ELOVL1: variants seen among roughly 807,000 people sequenced by gnomAD.
ELOVL1 encodes the protein ELOVL fatty acid elongase 1.
Under a neutral mutation model 37.8 loss-of-function variants are expected in ELOVL1, and 10 were observed. The observed-to-expected ratio is 0.26, with a 90% CI of 0.16 to 0.45. The LOEUF (loss-of-function observed/expected upper bound fraction) is 0.45. Among genes scored for constraint, ELOVL1 ranks in the 20% least tolerant of loss-of-function variants. The pLI, the probability that ELOVL1 is intolerant of heterozygous loss-of-function variation, is 1.00. For missense variants in ELOVL1, 256 were observed against 352.7 expected (o/e 0.73, Z 2.20); for synonymous variants, 133 against 123.8 (o/e 1.07, Z -0.49).
At chr1:43,366,520 A>ACC (rs1398955318) in intron 1 of ELOVL1, 1 of 154,998 alleles carries the variant, frequency 6.5e-6, no homozygotes, top group East Asian at 1.9e-4. Flanking sequence ...CTCGCCACCC[A>ACC]CCCACCCACG....
At position 43,364,997 on chromosome 1, in the gene ELOVL1, C is replaced by T. The variant is rs778135356; in HGVS notation, c.249G>A (p.Ser83=). The change falls in exon 4 of 8, where the codon TCG becomes TCA. Residue 83 remains serine (S), a synonymous_variant. Transcript: ENST00000372458. This position sits in a 1 kb window ranked among gnomAD's most constrained non-coding sequence, Gnocchi z 5.2. The part of the protein sequence containing the change: ...SLYIVYEFLM[S]GWLSTYTWRC... ...GCCAGGTATAGGTGCTCAGCCAGCC[C>T]GACATCAGGAACTGGGAAGGGATGT... 1 of 1,613,288 alleles carries T rather than the reference C, an allele frequency of 6.2e-7. No individual in the cohort carries two copies. The highest frequency in any genetic ancestry group is 1.3e-5 in the African/African-American group (1 of 74,888).
chr1:43,365,266 G>T lies in ELOVL1; in HGVS notation c.157C>A (p.Arg53=), dbSNP rs201270403. Residue 53 remains arginine, a synonymous_variant, in exon 3 of 8, where the codon CGG becomes AGG. Transcript: ENST00000372458. The part of the protein sequence containing the change: ...LSLGPRIMAN[R]KPFQLRGFMI... ...AAGCCACGGAGCTGGAAGGGCTTCC[G>T]ATTAGCCATGATGCGAGGCCCAAGT... 1 of 1,614,146 alleles carries T rather than the reference G, an allele frequency of 6.2e-7. No individual in the cohort carries two copies. Among genetic ancestry groups the T allele is most frequent in the East Asian group, 2.2e-5 (1 of 44,878 alleles).
At chr1:43,365,440 G>A in intron 2 of ELOVL1, 64 bp from the exon 3 acceptor site, 1 of 1,609,084 alleles carries the variant, frequency 6.2e-7, no homozygotes. Context: ...CATTTGAAGG[G>A]TCTACAGACA....
intron 2 of ELOVL1, 80 bp downstream of exon 2, chr1:43,365,484 G>A: frequency 1.9e-6 from 3 of 1,611,708 alleles, no homozygotes; most frequent in Non-Finnish European, 1.7e-6. Flanking sequence ...GGTTTCATAG[G>A]AACTCTCCAT....
rs1647184471 is a variant in ELOVL1, at chr1:43,363,484, G to C, written c.*432C>G. On this transcript the variant is annotated 3_prime_UTR_variant, in exon 8 of 8. Coordinates refer to ENST00000372458, the MANE Select transcript of ELOVL1 (RefSeq NM_022821.4). ...GTATTCCCAGGCCCCCGCCCACCCT[G>C]ACCTTTGGCCCAGAAGCTACTGCTT... 2.6e-6 allele frequency: 1 copy of C among 382,408 alleles called. No individual in the cohort carries two copies. Among genetic ancestry groups the C allele is most frequent in the African/African-American group, 2.1e-5 (1 of 47,698 alleles). The allele number at this position is 382,408 out of a possible 1,614,324, so 23.7% of individuals were successfully genotyped here.
rs45529436 is a variant in ELOVL1 at position 43,363,457 on chromosome 1, C to T, written c.*459G>A. 169 of 412,534 alleles carry T rather than the reference C, an allele frequency of 4.1e-4. No homozygotes were observed. The highest frequency in any genetic ancestry group is 1.1e-3 in the Admixed American group (25 of 22,420). 25.6% of individuals were successfully genotyped at this position (412,534 alleles called of 1,614,324 possible). On this transcript the variant is annotated 3_prime_UTR_variant, in exon 8 of 8. Transcript: ENST00000372458. The stretch of plus-strand genomic sequence containing the variant: ...AAGTTGAGTAAGCAGCCTCCACAGG[C>T]TGTATTCCCAGGCCCCCGCCCACCC...
Position 43,364,966 on chromosome 1 carries a change from C to T in ELOVL1, c.280G>A (p.Asp94Asn). Residue 94 changes from aspartate to asparagine, a missense_variant, in exon 4 of 8, where the codon GAC (aspartate) becomes AAC (asparagine). Physicochemically the swap from Asp to Asn is conservative, Grantham distance 23 (BLOSUM62 1). This residue lies in a region of ELOVL1 where 158 missense variants were observed against 189.4 expected (regional missense o/e 0.83). Transcript: ENST00000372458. This position sits in a 1 kb window ranked among gnomAD's most constrained non-coding sequence, Gnocchi z 5.2. ...GGGCTGTTGGAATAGTCCACAGGGT[C>T]ACAGCGCCAGGTATAGGTGCTCAGC... ...GWLSTYTWRC[D>N]PVDYSNSPEA... 1 of 1,613,948 alleles carries T rather than the reference C, an allele frequency of 6.2e-7. No individual in the cohort carries two copies. Among genetic ancestry groups the T allele is most frequent in the Non-Finnish European group, 8.5e-7 (1 of 1,179,944 alleles).
In ELOVL1 at chr1:43,364,494, T is replaced by C. The variant is rs553112802; in HGVS notation, c.482-34A>G. On this transcript the variant is annotated intron_variant, in intron 6 of 7. Transcript: ENST00000372458. The surrounding 1 kb of genome is among the most constrained non-coding windows in gnomAD (Gnocchi z 5.2). ...GGACAATAAGACAGGGTCAGCAGAG[T>C]CCAGCCTCTGGTGCCCACCCTTTCC... 1 of 1,613,644 alleles carries C rather than the reference T, an allele frequency of 6.2e-7. No homozygotes were observed. Among genetic ancestry groups the C allele is most frequent in the African/African-American group, 1.3e-5 (1 of 74,852 alleles).
At chr1:43,365,728 A>G (rs1346659607) in intron 1 of ELOVL1, 105 bp from the exon 2 acceptor site, 1 of 1,177,496 alleles carries the variant, frequency 8.5e-7, no homozygotes, top group Non-Finnish European at 1.3e-6. Flanking sequence ...GCCTCATTGC[A>G]GAAAGGACAG....
intron 1 of ELOVL1, chr1:43,367,598 T>C (rs1181834164): frequency 1.3e-5 from 2 of 148,754 alleles, no homozygotes; most frequent in Non-Finnish European, 3.0e-5. Context: ...TCCTTTAAGA[T>C]GGATGGAAGG....
chr1:43,364,411 T>G lies in ELOVL1; in HGVS notation c.531A>C (p.Ile177=). Residue 177 remains isoleucine (I), a synonymous_variant, in exon 7 of 8, where the codon ATA becomes ATC. Transcript: ENST00000372458. This position sits in a 1 kb window ranked among gnomAD's most constrained non-coding sequence, Gnocchi z 5.2. The part of the protein sequence containing the change: ...HAMINSSVHV[I]MYLYYGLSAF... The stretch of plus-strand genomic sequence containing the variant: ...CAGATAATCCGTAGTACAGGTACAT[T>G]ATGACATGCACGGAAGAGTTTATCA... The G allele has an allele frequency of 6.2e-7, 1 of 1,614,154 alleles. No individual in the cohort carries two copies. The highest frequency in any genetic ancestry group is 8.5e-7 in the Non-Finnish European group (1 of 1,180,020).
chr1:43,365,617 A>G lies in ELOVL1; in HGVS notation c.-8T>C, dbSNP rs1647220137. ...GTTCACAACAGCCTCCATCCTGGCT[A>G]AGGACTCTGGGGAGGTACAGAGGGC... On this transcript the variant is annotated 5_prime_UTR_variant, in exon 2 of 8. Coordinates refer to ENST00000372458, the MANE Select transcript of ELOVL1 (RefSeq NM_022821.4). 1.2e-6 allele frequency: 2 copies of G among 1,613,982 alleles called. No individual in the cohort carries two copies. Among genetic ancestry groups the G allele is most frequent in the African/African-American group, 1.3e-5 (1 of 74,908 alleles).
chr1:43,364,665 G>T lies in ELOVL1; in HGVS notation c.376-18C>A, dbSNP rs1024871434. The T allele has an allele frequency of 6.2e-7, 1 of 1,614,120 alleles. No individual in the cohort carries two copies. The highest frequency in any genetic ancestry group is 8.5e-7 in the Non-Finnish European group (1 of 1,179,998). On this transcript the variant is annotated intron_variant, in intron 5 of 7. Transcript: ENST00000372458. The surrounding 1 kb of genome is among the most constrained non-coding windows in gnomAD (Gnocchi z 5.2). ...AAGATCACCTGAGAGAAGAGTGAGG[G>T]AAGGGGATTCAGAACCTGGGCTTCT...
At chr1:43,365,075 T>A in intron 3 of ELOVL1, 67 bp from the exon 4 acceptor site, 1 of 1,592,568 alleles carries the variant, frequency 6.3e-7, no homozygotes. Flanking sequence ...CTTCGCTAGC[T>A]GAGGACATGG....
chr1:43,366,093 T>A (rs1647229523), intron 1 of ELOVL1, among the ~76,000 whole-genome samples: 1 of 151,840 alleles, frequency 6.6e-6, no homozygotes, highest in Non-Finnish European at 1.5e-5. Flanking sequence ...CCTCTTCCCA[T>A]CCCTCTGGAC....
Position 43,363,770 on chromosome 1 carries a change from G to C in ELOVL1, c.*146C>G. The C allele has an allele frequency of 1.4e-6, 1 of 710,986 alleles. No homozygotes were observed. The highest frequency in any genetic ancestry group is 2.7e-5 in the East Asian group (1 of 37,640). 44.0% of individuals were successfully genotyped at this position (710,986 alleles called of 1,614,324 possible). ...CCAAAGCCGTGGTCCCTGTAGAGCA[G>C]CTGTGGGGAGGGGAGGGCCAGTCCC... is the stretch of plus-strand genomic sequence containing the variant. On this transcript the variant is annotated 3_prime_UTR_variant, in exon 8 of 8. Transcript: ENST00000372458.
At position 43,364,023 on chromosome 1, in the gene ELOVL1, T is replaced by C. The variant is rs1301789242; in HGVS notation, c.733A>G (p.Met245Val). 6.2e-7 allele frequency: 1 copy of C among 1,614,162 alleles called. No homozygotes were observed. The highest frequency in any genetic ancestry group is 1.1e-5 in the South Asian group (1 of 91,086). Residue 245 changes from methionine (M) to valine (V), a missense_variant, in exon 8 of 8, where the codon ATG (methionine) becomes GTG (valine). Around this residue, in one of 3 missense-constraint regions of ELOVL1, gnomAD observed 59 missense variants for 73.3 expected, o/e 0.80. Transcript: ENST00000372458. This position sits in a 1 kb window ranked among gnomAD's most constrained non-coding sequence, Gnocchi z 5.2. Reference sequence around the variant, plus strand: ...TGATACCAGAAGTTGGAGAACAGCATGAAGAAGATGGTGCCATACATCCAG... The same window carrying C: ...TGATACCAGAAGTTGGAGAACAGCACGAAGAAGATGGTGCCATACATCCAG... ...LIWMYGTIFF[M>V]LFSNFWYHSY... is the part of the protein sequence containing the mutation.
chr1:43,364,001 T>C lies in ELOVL1; in HGVS notation c.755A>G (p.Tyr252Cys). ...IFFMLFSNFW[Y>C]HSYTKGKRLP... ...CCGCTTGCCCTTGGTATAAGAGTGA[T>C]ACCAGAAGTTGGAGAACAGCATGAA... The change falls in exon 8 of 8, where the codon TAT (tyrosine) becomes TGT (cysteine). Residue 252 changes from tyrosine (Y) to cysteine (C), a missense_variant. Coordinates refer to ENST00000372458, the MANE Select transcript of ELOVL1 (RefSeq NM_022821.4). The surrounding 1 kb of genome is among the most constrained non-coding windows in gnomAD (Gnocchi z 5.2). 3 of 1,614,164 alleles carry C rather than the reference T, an allele frequency of 1.9e-6. No individual in the cohort carries two copies. The highest frequency in any genetic ancestry group is 2.5e-6 in the Non-Finnish European group (3 of 1,180,036).
In ELOVL1 at chr1:43,365,324, G is replaced by A; in HGVS notation, c.99C>T (p.Ser33=). The change falls in exon 3 of 8, where the codon TCC becomes TCT. Residue 33 remains serine (S), a synonymous_variant. Transcript: ENST00000372458. ...PLMGSPLLMT[S]ILLTYVYFVL... ...CGAAGTACACGTAGGTCAGGAGAAT[G>A]GAGGTCATTAGCAAGGGGGACCCCA... 6.2e-7 allele frequency: 1 copy of A among 1,613,832 alleles called. No homozygotes were observed. Among genetic ancestry groups the A allele is most frequent in the South Asian group, 1.1e-5 (1 of 91,034 alleles).
Sources: gnomAD v4.1 joint callset for allele counts (sites outside exome capture counted in the v4.1 genomes callset) on GRCh38, gnomAD v4.1.1 for gene constraint, gnomAD v4.1.1 regional missense constraint, Gnocchi (gnomAD v3.1) non-coding constraint, MANE v1.5 for transcripts, NCBI Gene and HGNC (gene_info 2026-07-23, HGNC 2026-07-21) for gene names.